The following KCTD16 variants were observed in gnomAD, a reference collection of about 807,000 sequenced individuals.
KCTD16 encodes the protein BTB/POZ domain-containing protein KCTD16.
In KCTD16, 13 loss-of-function variants were observed where a neutral mutation model predicts 33.2. That is an observed-to-expected ratio of 0.39 (90% CI 0.25 to 0.62). KCTD16 has a LOEUF of 0.62. Ranked by LOEUF, KCTD16 falls within the 20% of genes least tolerant of loss-of-function variation. KCTD16 has a pLI of 0.50. For missense variants in KCTD16, 441 were observed against 525.1 expected (o/e 0.84, Z 1.57); for synonymous variants, 197 against 195.3 (o/e 1.01, Z -0.07).
intron 2 of KCTD16, among the ~76,000 whole-genome samples, chr5:144,195,179 C>A (rs17101698): frequency 0.16 from 24,707 of 152,198 alleles, 2,239 homozygotes; most frequent in Admixed American, 0.26. Flanking sequence ...TATAGGCATA[C>A]CCTGTTAGCA....
At chr5:144,369,663 A>T (rs562358348) in intron 3 of KCTD16, among the ~76,000 whole-genome samples, 24 of 152,308 alleles carry the variant, frequency 1.6e-4, no homozygotes, top group African/African-American at 5.8e-4. Context: ...ACACATTGTT[A>T]TAAGGAAATA....
chr5:144,443,264 C>A (rs1022887426), intron 3 of KCTD16, among the ~76,000 whole-genome samples: 9 of 152,120 alleles, frequency 5.9e-5, no homozygotes, highest in African/African-American at 2.2e-4. Flanking sequence ...TGGAGTAGGT[C>A]ATGGCTTAAA....
rs1754758044 is a variant in KCTD16, at chr5:144,484,161, A to G, written c.*10047A>G. 6.6e-6 allele frequency: 1 copy of G among 151,920 alleles called. No homozygotes were observed. The highest frequency in any genetic ancestry group is 1.5e-5 in the Non-Finnish European group (1 of 67,918). The allele number at this position is 151,920 out of a possible 1,614,324, so 9.4% of individuals were successfully genotyped here. On this transcript the variant is annotated 3_prime_UTR_variant, in exon 4 of 4. Coordinates refer to ENST00000512467, the MANE Select transcript of KCTD16 (RefSeq NM_020768.4). ...ACAAACTAATGTATTTTTGTAAATC[A>G]TGGGTGGCGGATGTCAAAATCTCTC...
intron 3 of KCTD16, among the ~76,000 whole-genome samples, chr5:144,447,976 G>A (rs1231237714): frequency 6.6e-6 from 1 of 151,994 alleles, no homozygotes; most frequent in Non-Finnish European, 1.5e-5. Context: ...CACTCTCCAT[G>A]TAATTTCAGT....
intron 3 of KCTD16, among the ~76,000 whole-genome samples, chr5:144,333,432 A>G (rs900194108): frequency 6.6e-6 from 1 of 152,174 alleles, no homozygotes; most frequent in Non-Finnish European, 1.5e-5. Context: ...AAAAGAATCC[A>G]CCCAGAATCT....
chr5:144,301,381 A>C (rs1033041934), intron 3 of KCTD16, among the ~76,000 whole-genome samples: 9 of 152,182 alleles, frequency 5.9e-5, no homozygotes, highest in Admixed American at 5.2e-4. Flanking sequence ...GAGTAAGACC[A>C]GAGGTAAGAA....
intron 3 of KCTD16, among the ~76,000 whole-genome samples, chr5:144,458,321 C>T (rs963006602): frequency 6.6e-5 from 10 of 152,188 alleles, no homozygotes; most frequent in East Asian, 1.9e-4. Context: ...ATCCATCTGA[C>T]CTCGCAACTG....
chr5:144,416,857 A>G (rs529829533), intron 3 of KCTD16, among the ~76,000 whole-genome samples: 2 of 152,270 alleles, frequency 1.3e-5, no homozygotes, highest in Admixed American at 6.5e-5. Context: ...TTTCATATAA[A>G]TGAGGTCAAA....
chr5:144,253,373 A>C (rs1425055727), intron 3 of KCTD16, among the ~76,000 whole-genome samples: 2 of 152,214 alleles, frequency 1.3e-5, no homozygotes, highest in Non-Finnish European at 2.9e-5. Flanking sequence ...AGAGTGTAGC[A>C]TAATGAACCT....
chr5:144,404,789 G>C (rs1389745149), intron 3 of KCTD16, among the ~76,000 whole-genome samples: 1 of 152,070 alleles, frequency 6.6e-6, no homozygotes, highest in Non-Finnish European at 1.5e-5. Flanking sequence ...AGAAATAAAT[G>C]TTAAGGTGCC....
chr5:144,259,721 C>T (rs1393068592), intron 3 of KCTD16, among the ~76,000 whole-genome samples: 1 of 152,152 alleles, frequency 6.6e-6, no homozygotes, highest in East Asian at 1.9e-4. Flanking sequence ...GGTGATGATA[C>T]CCTGAATTTC....
intron 3 of KCTD16, among the ~76,000 whole-genome samples, chr5:144,317,474 G>A (rs1024071277): frequency 3.3e-5 from 5 of 152,196 alleles, no homozygotes; most frequent in Admixed American, 6.5e-5. Context: ...CAGCATACTA[G>A]TGTAGGCACA....
At chr5:144,445,788 C>T (rs1166959521) in intron 3 of KCTD16, among the ~76,000 whole-genome samples, 1 of 151,080 alleles carries the variant, frequency 6.6e-6, no homozygotes, top group Non-Finnish European at 1.5e-5. Context: ...TTTTATTCTA[C>T]TCATAGTAGA....
intron 3 of KCTD16, among the ~76,000 whole-genome samples, chr5:144,363,370 G>T (rs1751761235): frequency 6.6e-6 from 1 of 151,918 alleles, no homozygotes; most frequent in Admixed American, 6.6e-5. Context: ...TTTTGTATGT[G>T]TGTGTGTGCT....
intron 3 of KCTD16, among the ~76,000 whole-genome samples, chr5:144,292,529 G>A (rs903673522): frequency 6.6e-6 from 1 of 152,176 alleles, no homozygotes; most frequent in Non-Finnish European, 1.5e-5. Context: ...GTGAGCCCTA[G>A]ACGTGCTGCT....
intron 3 of KCTD16, among the ~76,000 whole-genome samples, chr5:144,258,483 A>G (rs1215584634): frequency 6.6e-6 from 1 of 152,232 alleles, no homozygotes; most frequent in East Asian, 1.9e-4. Flanking sequence ...GACAATGTTT[A>G]GTGTGGTTAA....
intron 3 of KCTD16, among the ~76,000 whole-genome samples, chr5:144,299,072 A>ATATATATATATTTTTTTTTT (rs1491103244): frequency 1.7e-5 from 1 of 57,432 alleles, no homozygotes; most frequent in Non-Finnish European, 3.4e-5. Context: ...ATATATATAT[A>ATATATATATATTTTTTTTTT]TTTTTGTATA....
At chr5:144,243,439 T>C (rs1423844072) in intron 3 of KCTD16, among the ~76,000 whole-genome samples, 1 of 152,226 alleles carries the variant, frequency 6.6e-6, no homozygotes, top group African/African-American at 2.4e-5. Flanking sequence ...GGTAAAATAC[T>C]CTATGCCTGA....
intron 3 of KCTD16, among the ~76,000 whole-genome samples, chr5:144,292,311 T>A (rs2080992): frequency 6.6e-6 from 1 of 152,190 alleles, no homozygotes; most frequent in African/African-American, 2.4e-5. Context: ...CAGGATACTA[T>A]TGAGCAGAGC....
Sources: allele counts gnomAD v4.1 joint callset (sites outside exome capture counted in the v4.1 genomes callset), GRCh38; gene constraint gnomAD v4.1.1; transcripts MANE v1.5; gene names NCBI Gene and HGNC (gene_info 2026-07-23, HGNC 2026-07-21).